The following MTREX variants were observed in gnomAD, a reference collection of about 807,000 sequenced individuals.
MTREX encodes Mtr4 exosome RNA helicase.
Under a neutral mutation model 135.4 loss-of-function variants are expected in MTREX, and 76 were observed. The ratio of observed to expected loss-of-function variants is 0.56; its 90% CI spans 0.47 to 0.68. The LOEUF is 0.68. MTREX is among the 30% of genes least tolerant of loss of function. The pLI is 0.00. For missense variants in MTREX, 920 were observed against 1,262.1 expected, an observed-to-expected ratio of 0.73 and a Z score of 4.11; for synonymous variants, 404 against 401.6, an observed-to-expected ratio of 1.01 and a Z score of -0.07.
intron 3 of MTREX, 106 bp downstream of exon 3, chr5:55,324,304 C>G: frequency 1.6e-6 from 1 of 632,546 alleles, no homozygotes; most frequent in Non-Finnish European, 2.6e-6. Flanking sequence ...ACCTTGGAAA[C>G]AATAAATAGT....
intron 18 of MTREX, among the ~76,000 whole-genome samples, chr5:55,385,732 G>A (rs1431738616): frequency 2.0e-5 from 3 of 152,128 alleles, no homozygotes; most frequent in Admixed American, 1.3e-4. Context: ...GAGCAGGCTT[G>A]TGGATCACAT....
intron 2 of MTREX, among the ~76,000 whole-genome samples, 171 bp from the exon 3 acceptor site, chr5:55,323,961 A>G (rs1045610938): frequency 2.0e-5 from 3 of 152,152 alleles, no homozygotes; most frequent in Non-Finnish European, 4.4e-5. Flanking sequence ...TTCAGCATAT[A>G]TTTGCATAAT....
chr5:55,332,362 CAG>C (rs1749492090), intron 5 of MTREX, among the ~76,000 whole-genome samples: 2 of 152,080 alleles, frequency 1.3e-5, no homozygotes, highest in African/African-American at 2.4e-5. Flanking sequence ...GTACTCTTAA[CAG>C]GGGATACCTA....
chr5:55,353,868 A>G (rs1298694953), intron 14 of MTREX, among the ~76,000 whole-genome samples: 1 of 152,202 alleles, frequency 6.6e-6, no homozygotes, highest in African/African-American at 2.4e-5. Context: ...ATCATTTTAA[A>G]TATGTCTAGA....
chr5:55,386,258 G>A (rs972403171), intron 18 of MTREX, among the ~76,000 whole-genome samples: 1 of 152,142 alleles, frequency 6.6e-6, no homozygotes, highest in African/African-American at 2.4e-5. Context: ...GGTAATTTCA[G>A]TTTATAGCAA....
chr5:55,345,992 A>G (rs1229158971), intron 10 of MTREX, among the ~76,000 whole-genome samples: 1 of 151,878 alleles, frequency 6.6e-6, no homozygotes, highest in Non-Finnish European at 1.5e-5. Flanking sequence ...TGCTATATGT[A>G]CTCATTCCTT....
At chr5:55,362,604 A>C (rs1438327463) in intron 15 of MTREX, among the ~76,000 whole-genome samples, 1 of 150,556 alleles carries the variant, frequency 6.6e-6, no homozygotes, top group Non-Finnish European at 1.5e-5. Context: ...CAGGTGATCC[A>C]CCCACCTTGG....
chr5:55,358,283 T>C (rs1390357587), intron 14 of MTREX, among the ~76,000 whole-genome samples: 1 of 152,202 alleles, frequency 6.6e-6, no homozygotes, highest in Non-Finnish European at 1.5e-5. Flanking sequence ...AAAGCCTAAA[T>C]TTTAGGCTTT....
At chr5:55,312,154 T>G (rs1749123840) in intron 1 of MTREX, among the ~76,000 whole-genome samples, 1 of 152,198 alleles carries the variant, frequency 6.6e-6, no homozygotes, top group Non-Finnish European at 1.5e-5. Context: ...ATTTTCTGTT[T>G]TTATCATTTC....
intron 1 of MTREX, among the ~76,000 whole-genome samples, chr5:55,318,336 A>G (rs1318104283): frequency 1.3e-5 from 2 of 152,238 alleles, no homozygotes; most frequent in African/African-American, 4.8e-5. Context: ...TCATTGCAGC[A>G]CTATTCACAA....
intron 16 of MTREX, among the ~76,000 whole-genome samples, chr5:55,372,879 AT>A (rs1216273586): frequency 3.3e-5 from 5 of 149,446 alleles, no homozygotes; most frequent in Non-Finnish European, 5.9e-5. Flanking sequence ...TTTTACCAAA[AT>A]TTAAAACTGT....
chr5:55,408,298 A>G (rs900330897), intron 22 of MTREX, among the ~76,000 whole-genome samples: 1 of 152,168 alleles, frequency 6.6e-6, no homozygotes. Context: ...ATCTGGTTTT[A>G]GGCTCCTCAC....
Position 55,416,284 on chromosome 5 carries a change from C to A in MTREX, c.2971+152C>A, listed in dbSNP as rs114954158. On this transcript the variant is annotated intron_variant, in intron 25 of 26. Transcript: ENST00000230640. ...TATATAGATTAAAAAATATTCTCCACAAATTCTTTGTATTATTTAATAAGC... is the reference window on the plus strand; with the variant it reads ...TATATAGATTAAAAAATATTCTCCAAAAATTCTTTGTATTATTTAATAAGC... 1,283 of 524,572 alleles carry A rather than the reference C, an allele frequency of 2.4e-3. 13 individuals are homozygous for A. The highest frequency in any genetic ancestry group is 0.023 in the African/African-American group (1,164 of 49,572). 32.5% of individuals were successfully genotyped at this position (524,572 alleles called of 1,614,324 possible). A position where few individuals can be genotyped will look rare whatever the true frequency, so the allele number is the denominator to read the frequency against.
At chr5:55,315,033 G>A (rs1749177081) in intron 1 of MTREX, among the ~76,000 whole-genome samples, 1 of 152,148 alleles carries the variant, frequency 6.6e-6, no homozygotes, top group African/African-American at 2.4e-5. Flanking sequence ...AGGGGTTGGG[G>A]GCCCATTTTA....
At position 55,366,870 on chromosome 5, in the gene MTREX, T is replaced by C. The variant is rs1211302139; in HGVS notation, c.1805T>C (p.Val602Ala). The part of the protein sequence containing the change: ...FQHYRAIPGV[V>A]EKVKNSEEQY... ...CATTATAGAGCAATTCCAGGAGTAG[T>C]AGAGAGTAAGTATAAAATACCATAA... The change falls in exon 16 of 27, where the codon GTA becomes GCA. Residue 602 changes from valine to alanine, a missense_variant. Physicochemically the swap from Val to Ala is moderately conservative, Grantham distance 64 (BLOSUM62 0). Transcript: ENST00000230640. The C allele has an allele frequency of 1.2e-6, 2 of 1,603,814 alleles. No homozygotes were observed. The highest frequency in any genetic ancestry group is 1.7e-6 in the Non-Finnish European group (2 of 1,174,818).
intron 12 of MTREX, 148 bp downstream of exon 12, chr5:55,349,800 T>G (rs1749798652): frequency 2.0e-6 from 1 of 508,174 alleles, no homozygotes; most frequent in African/African-American, 2.0e-5. Flanking sequence ...CTTTGACTTT[T>G]ACTTTAAACT....
At chr5:55,424,345 A>G (rs1751111701) in intron 26 of MTREX, 1 of 156,724 alleles carries the variant, frequency 6.4e-6, no homozygotes, top group Admixed American at 6.3e-5. Flanking sequence ...GGGTTTCTCC[A>G]TGTTGGTCGG....
In MTREX at chr5:55,353,195, A is replaced by G. The variant is rs375041892; in HGVS notation, c.1459A>G (p.Met487Val). 1.9e-6 allele frequency: 3 copies of G among 1,607,820 alleles called. No homozygotes were observed. Among genetic ancestry groups the G allele is most frequent in the Non-Finnish European group, 2.5e-6 (3 of 1,177,328 alleles). The change falls in exon 14 of 27, where the codon ATG becomes GTG. Residue 487 changes from methionine to valine, a missense_variant. Physicochemically the swap from Met to Val is conservative, Grantham distance 21. This residue lies in a region of MTREX where 46 missense variants were observed against 116.8 expected (regional missense o/e 0.39). Transcript: ENST00000230640. ...CTTATTTGCCACGGAGACCTTTGCT[A>G]TGGGAATTAACATGCCAGCTAGAAC... is the stretch of plus-strand genomic sequence containing the variant. Reference protein sequence around the residue: ...KALFATETFAMGINMPARTVL... With the variant: ...KALFATETFAVGINMPARTVL...
At chr5:55,334,435 GT>G (rs1402287322) in intron 5 of MTREX, among the ~76,000 whole-genome samples, 2 of 151,932 alleles carry the variant, frequency 1.3e-5, no homozygotes, top group Non-Finnish European at 2.9e-5. Context: ...AGGACTTTAG[GT>G]AAACTCCTAC....
Sources: gnomAD v4.1 joint callset for allele counts (sites outside exome capture counted in the v4.1 genomes callset) on GRCh38, gnomAD v4.1.1 for gene constraint, gnomAD v4.1.1 regional missense constraint, MANE v1.5 for transcripts, NCBI Gene and HGNC (gene_info 2026-07-23, HGNC 2026-07-21) for gene names.